The following SYNJ2 variants were observed in gnomAD, a reference collection of about 807,000 sequenced individuals.
The protein encoded by SYNJ2 is polyphosphatidylinositol phosphatase SYNJ2.
A neutral mutation model predicts 141.3 loss-of-function variants in SYNJ2; 116 were observed. The observed-to-expected ratio is 0.82, with a 90% CI of 0.71 to 0.96. The LOEUF is 0.96. Among genes scored for constraint, SYNJ2 ranks in the 40% least tolerant of loss-of-function variants. SYNJ2 has a pLI of 0.00. For missense variants in SYNJ2, 1,873 were observed against 1,934.8 expected (o/e 0.97, Z 0.60); for synonymous variants, 745 against 777.7 (o/e 0.96, Z 0.70).
At chr6:158,024,728 C>T (rs1239131324) in intron 2 of SYNJ2, among the ~76,000 whole-genome samples, 3 of 152,094 alleles carry the variant, frequency 2.0e-5, no homozygotes, top group Admixed American at 6.5e-5. Flanking sequence ...CGTAGAAGCA[C>T]CAGATATGCT....
intron 1 of SYNJ2, among the ~76,000 whole-genome samples, chr6:157,999,125 G>A (rs1335253839): frequency 6.6e-6 from 1 of 152,228 alleles, no homozygotes; most frequent in African/African-American, 2.4e-5. Context: ...GTTCAACAGA[G>A]AAATTGGCAA....
chr6:158,017,885 A>G lies in SYNJ2; in HGVS notation c.214+595A>G. 5 of 454,214 alleles carry G rather than the reference A, an allele frequency of 1.1e-5. No homozygotes were observed. The Middle Eastern group carries it at 1.7e-3, about 156-fold the overall frequency. The allele number at this position is 454,214 out of a possible 1,614,324, so 28.1% of individuals were successfully genotyped here. A position where few individuals can be genotyped will look rare whatever the true frequency, so the allele number is the denominator to read the frequency against. ...CCCTGTGCCAGAGAAGCTCGTCTTC[A>G]TTGCTTGCCGGCGAGGGCCTAAGTG... On this transcript the variant is annotated intron_variant, in intron 2 of 26. Transcript: ENST00000355585.
chr6:158,054,366 A>C (rs1239495042), intron 5 of SYNJ2, among the ~76,000 whole-genome samples: 1 of 152,238 alleles, frequency 6.6e-6, no homozygotes, highest in Non-Finnish European at 1.5e-5. Flanking sequence ...TTTATTCATC[A>C]GGTTAAAATC....
Position 158,092,966 on chromosome 6 carries a change from C to T in SYNJ2, c.3606C>T (p.Asp1202=). Residue 1202 remains aspartate (D), a synonymous_variant, in exon 26 of 27, where the codon GAC becomes GAT. Coordinates refer to ENST00000355585, the MANE Select transcript of SYNJ2 (RefSeq NM_003898.4). The part of the protein sequence containing the change: ...EEALSAVAPR[D]LEASSEPEPT... ...CCCTAAGTGCCGTGGCCCCAAGGGACCTTGAAGCATCCTCTGAACCAGAGC... is the reference window on the plus strand; with the variant it reads ...CCCTAAGTGCCGTGGCCCCAAGGGATCTTGAAGCATCCTCTGAACCAGAGC... 1 of 1,610,586 alleles carries T rather than the reference C, an allele frequency of 6.2e-7. No individual in the cohort carries two copies. Among genetic ancestry groups the T allele is most frequent in the South Asian group, 1.1e-5 (1 of 90,868 alleles).
intron 4 of SYNJ2, among the ~76,000 whole-genome samples, chr6:158,035,867 T>C (rs1779609389): frequency 6.6e-6 from 1 of 150,664 alleles, no homozygotes; most frequent in Non-Finnish European, 1.5e-5. Context: ...ATCAACAGAG[T>C]GAACAGACAA....
chr6:158,047,514 T>G (rs1287269474), intron 5 of SYNJ2, among the ~76,000 whole-genome samples: 4 of 152,120 alleles, frequency 2.6e-5, no homozygotes, highest in Admixed American at 2.6e-4. Flanking sequence ...TGGGGGCTCA[T>G]GCCTGTAATT....
At chr6:158,039,717 A>G (rs1779835400) in intron 4 of SYNJ2, among the ~76,000 whole-genome samples, 1 of 151,454 alleles carries the variant, frequency 6.6e-6, no homozygotes, top group Admixed American at 6.6e-5. Flanking sequence ...TCCACCTGAC[A>G]TCTGAGGAAG....
In SYNJ2 at chr6:158,088,702, C is replaced by G; in HGVS notation, c.3386C>G (p.Ser1129Cys). The change falls in exon 24 of 27, where the codon TCC (serine) becomes TGC (cysteine). Residue 1129 changes from serine (S) to cysteine (C), a missense_variant. Ser to Cys is a moderately radical substitution (Grantham distance 112). Coordinates refer to ENST00000355585, the MANE Select transcript of SYNJ2 (RefSeq NM_003898.4). ...AAGTCGGCTTCAGATGCGTCCATCT[C>G]CTCCGGCACCCATGGACAGTATTCA... is the stretch of plus-strand genomic sequence containing the variant. ...VKKSASDASI[S>C]SGTHGQYSIL... The G allele has an allele frequency of 1.2e-6, 2 of 1,614,106 alleles. No homozygotes were observed. The highest frequency in any genetic ancestry group is 1.7e-6 in the Non-Finnish European group (2 of 1,180,016).
At chr6:158,052,830 A>G (rs1397887977) in intron 5 of SYNJ2, among the ~76,000 whole-genome samples, 4 of 152,334 alleles carry the variant, frequency 2.6e-5, no homozygotes, top group South Asian at 2.1e-4. Flanking sequence ...TACATATAGT[A>G]TAGGTACACA....
At chr6:158,048,876 C>T (rs1780400432) in intron 5 of SYNJ2, among the ~76,000 whole-genome samples, 1 of 152,202 alleles carries the variant, frequency 6.6e-6, no homozygotes, top group African/African-American at 2.4e-5. Context: ...CAGGAGCTGG[C>T]TCCAGCACAC....
Position 158,064,897 on chromosome 6 carries a change from G to T in SYNJ2, c.1431G>T (p.Lys477Asn), listed in dbSNP as rs1471450995. 2 of 1,613,728 alleles carry T rather than the reference G, an allele frequency of 1.2e-6. No homozygotes were observed. Among genetic ancestry groups the T allele is most frequent in the African/African-American group, 2.7e-5 (2 of 74,950 alleles). ...TIQSNFFDGV[K>N]QEAIKLLLVG... ...AGTCCAACTTCTTCGACGGGGTGAA[G>T]CAGGAGGCCATCAAGCTGCTGCTGG... The change falls in exon 11 of 27, where the codon AAG becomes AAT. Residue 477 changes from lysine to asparagine, a missense_variant. Physicochemically the swap from Lys to Asn is moderately conservative, Grantham distance 94. Transcript: ENST00000355585.
intron 1 of SYNJ2, among the ~76,000 whole-genome samples, chr6:157,984,240 T>C (rs1777117118): frequency 6.6e-6 from 1 of 152,220 alleles, no homozygotes; most frequent in Admixed American, 6.5e-5. Context: ...CAGAGAATGT[T>C]TGTAGGAGAG....
rs1184799681 is a variant in SYNJ2, at chr6:158,028,920, G to T, written c.379G>T (p.Gly127Trp). Residue 127 changes from glycine to tryptophan, a missense_variant, in exon 3 of 27, where the codon GGG (glycine) becomes TGG (tryptophan). By Grantham distance (184) the Gly-to-Trp change is radical. Transcript: ENST00000355585. ...AGCTTTGAAGAAAATCCTCAGCTCG[G>T]GGGTGTTCTATTTCTCATGGCCAAA... ...LIALKKILSS[G>W]VFYFSWPNDG... 9.3e-6 allele frequency: 15 copies of T among 1,614,162 alleles called. No homozygotes were observed. The highest frequency in any genetic ancestry group is 1.2e-5 in the Non-Finnish European group (14 of 1,180,024).
At chr6:158,016,053 C>T (rs1778441518) in intron 1 of SYNJ2, among the ~76,000 whole-genome samples, 1 of 152,228 alleles carries the variant, frequency 6.6e-6, no homozygotes, top group Non-Finnish European at 1.5e-5. Flanking sequence ...CTCTCAGCCC[C>T]TGGCAACCAC....
At chr6:158,024,762 G>A (rs540952061) in intron 2 of SYNJ2, among the ~76,000 whole-genome samples, 1 of 152,282 alleles carries the variant, frequency 6.6e-6, no homozygotes, top group African/African-American at 2.4e-5. Flanking sequence ...ATTCTGAAGA[G>A]GGGGGACTGG....
chr6:158,014,825 G>A (rs901396172), intron 1 of SYNJ2, among the ~76,000 whole-genome samples: 5 of 152,236 alleles, frequency 3.3e-5, no homozygotes, highest in East Asian at 1.9e-4. Flanking sequence ...GTTCCTGAGC[G>A]AGGCAGCTCT....
Position 158,097,539 on chromosome 6 carries a change from A to C in SYNJ2, c.*1175A>C, listed in dbSNP as rs991761417. On this transcript the variant is annotated 3_prime_UTR_variant, in exon 27 of 27. Transcript: ENST00000355585. ...TTCGCTATTTAATAAGAAGTTCAGTAGTGAAATCTTACTGTACCGCCTGTT... is the reference window on the plus strand; with the variant it reads ...TTCGCTATTTAATAAGAAGTTCAGTCGTGAAATCTTACTGTACCGCCTGTT... The C allele has an allele frequency of 6.6e-6, 1 of 152,242 alleles. No individual in the cohort carries two copies. The highest frequency in any genetic ancestry group is 1.5e-5 in the Non-Finnish European group (1 of 68,034). 9.4% of individuals were successfully genotyped at this position (152,242 alleles called of 1,614,324 possible). A position where few individuals can be genotyped will look rare whatever the true frequency, so the allele number is the denominator to read the frequency against.
In SYNJ2 at chr6:158,086,897, T is replaced by C; in HGVS notation, c.3251T>C (p.Val1084Ala). ...GAGCTCAAGCGGGAGCTGGAAGCCG[T>C]CGGGGAGTTCCGCCACCGTTCTCCG... is the stretch of plus-strand genomic sequence containing the variant. ...LVELKRELEAVGEFRHRSPSR... is the reference protein window; with the variant it reads ...LVELKRELEAAGEFRHRSPSR... The change falls in exon 23 of 27, where the codon GTC (valine) becomes GCC (alanine). Residue 1084 changes from valine (V) to alanine (A), a missense_variant. Transcript: ENST00000355585. 1 of 1,610,460 alleles carries C rather than the reference T, an allele frequency of 6.2e-7. No homozygotes were observed. The highest frequency in any genetic ancestry group is 1.1e-5 in the South Asian group (1 of 91,078).
intron 1 of SYNJ2, among the ~76,000 whole-genome samples, chr6:157,983,576 G>C (rs1777089585): frequency 6.6e-6 from 1 of 152,170 alleles, no homozygotes; most frequent in African/African-American, 2.4e-5. Flanking sequence ...AGAATTCTTT[G>C]AAGCAGCTTA....
Sources: gnomAD v4.1 joint callset for allele counts (sites outside exome capture counted in the v4.1 genomes callset) on GRCh38, gnomAD v4.1.1 for gene constraint, MANE v1.5 for transcripts, NCBI Gene and HGNC (gene_info 2026-07-23, HGNC 2026-07-21) for gene names.